The following CSMD1 variants were observed in gnomAD, a reference collection of about 807,000 sequenced individuals.
CSMD1 encodes CUB and Sushi multiple domains 1, also known as CUB and sushi domain-containing protein 1.
In CSMD1, 213 loss-of-function variants were observed where a neutral mutation model predicts 417.5. The observed-to-expected ratio is 0.51, with a 90% confidence interval of 0.46 to 0.57. The LOEUF (loss-of-function observed/expected upper bound fraction) is 0.57. Ranked by LOEUF, CSMD1 falls within the 20% of genes least tolerant of loss-of-function variation. CSMD1 has a pLI of 0.00. For synonymous variants in CSMD1, 2,862 were observed against 1,736.8 expected, an observed-to-expected ratio of 1.65 and a Z score of -16.11; for missense variants, 6,923 against 4,529.7, an observed-to-expected ratio of 1.53 and a Z score of -15.17.
intron 1 of CSMD1, among the ~76,000 whole-genome samples, chr8:4,774,029 C>G (rs1796726811): frequency 2.6e-5 from 4 of 152,012 alleles, no homozygotes; most frequent in South Asian, 2.1e-4. Context: ...AACCCCAACT[C>G]TACTAAAAAT....
intron 5 of CSMD1, among the ~76,000 whole-genome samples, chr8:3,804,791 G>C (rs1249345733): frequency 6.6e-6 from 1 of 152,118 alleles, no homozygotes; most frequent in South Asian, 2.1e-4. Context: ...AATATGTTTG[G>C]TAATCTAATT....
chr8:3,636,872 A>T (rs1479740527), intron 7 of CSMD1, among the ~76,000 whole-genome samples: 1 of 152,182 alleles, frequency 6.6e-6, no homozygotes, highest in Non-Finnish European at 1.5e-5. Context: ...TGAGATATAT[A>T]GATTTTGTTG....
chr8:4,082,404 C>A (rs1371348862), intron 3 of CSMD1, among the ~76,000 whole-genome samples: 2 of 152,078 alleles, frequency 1.3e-5, no homozygotes, highest in Non-Finnish European at 2.9e-5. Flanking sequence ...ACAACTACAA[C>A]AAAACCCAGT....
At chr8:4,835,981 T>A (rs1022565551) in intron 1 of CSMD1, among the ~76,000 whole-genome samples, 3 of 152,126 alleles carry the variant, frequency 2.0e-5, no homozygotes, top group African/African-American at 7.2e-5. Flanking sequence ...ACCTTCTAAA[T>A]GTAAAATATC....
Position 3,223,729 on chromosome 8 carries a change from C to T in CSMD1, c.4484G>A (p.Ser1495Asn). The T allele has an allele frequency of 6.2e-7, 1 of 1,613,682 alleles. No homozygotes were observed. The highest frequency in any genetic ancestry group is 8.5e-7 in the Non-Finnish European group (1 of 1,179,702). Residue 1495 changes from serine (S) to asparagine (N), a missense_variant and splice_region_variant, in exon 28 of 70, where the codon AGT becomes AAT. By Grantham distance (46) the Ser-to-Asn change is conservative. Coordinates refer to ENST00000635120, the MANE Select transcript of CSMD1 (RefSeq NM_033225.6). Reference sequence around the variant, plus strand: ...AGAGGTATTCTGCAAGAGACGGTACCTTTTGAATATCAAGGCGATGACAAA... The same window carrying T: ...AGAGGTATTCTGCAAGAGACGGTACTTTTTGAATATCAAGGCGATGACAAA... ...PDFVIALIFK[S>N]FNMEPSYDFL... is the part of the protein sequence containing the mutation.
intron 3 of CSMD1, among the ~76,000 whole-genome samples, chr8:4,253,571 A>G (rs1385336602): frequency 1.3e-5 from 2 of 152,200 alleles, no homozygotes; most frequent in South Asian, 4.1e-4. Context: ...TTGATCTGGT[A>G]TACTTCAAAG....
chr8:3,087,380 C>G, intron 48 of CSMD1, 95 bp from the exon 49 acceptor site: 4 of 1,293,332 alleles, frequency 3.1e-6, no homozygotes, highest in Non-Finnish European at 4.4e-6. Flanking sequence ...AATGGCTTCT[C>G]ATTTCCAAAA....
chr8:3,036,990 T>C (rs1810723683), intron 50 of CSMD1, among the ~76,000 whole-genome samples: 2 of 152,156 alleles, frequency 1.3e-5, no homozygotes, highest in African/African-American at 4.8e-5. Flanking sequence ...ATCATCCCCT[T>C]GAGTCCCCAG....
At chr8:4,108,159 GTT>G (rs1223745514) in intron 3 of CSMD1, among the ~76,000 whole-genome samples, 2 of 151,948 alleles carry the variant, frequency 1.3e-5, no homozygotes, top group Non-Finnish European at 2.9e-5. Context: ...AAGAGAGACA[GTT>G]TTATTTTTAT....
intron 62 of CSMD1, among the ~76,000 whole-genome samples, chr8:2,958,759 T>A (rs574416492): frequency 6.6e-6 from 1 of 152,360 alleles, no homozygotes; most frequent in South Asian, 2.1e-4. Flanking sequence ...GTGCACCAAG[T>A]TAGCATCCAA....
At chr8:3,600,356 A>C (rs374952329) in intron 8 of CSMD1, among the ~76,000 whole-genome samples, 1 of 152,210 alleles carries the variant, frequency 6.6e-6, no homozygotes, top group Non-Finnish European at 1.5e-5. Context: ...TTTAGATCCT[A>C]GTTAAATTGA....
intron 21 of CSMD1, among the ~76,000 whole-genome samples, chr8:3,351,722 CAAAT>C (rs1040585996): frequency 3.4e-5 from 5 of 147,184 alleles, no homozygotes; most frequent in African/African-American, 1.2e-4. Context: ...AAACAAAAAT[CAAAT>C]ATATATTTAA....
chr8:4,644,927 G>C (rs1174736528), intron 1 of CSMD1, among the ~76,000 whole-genome samples: 2 of 152,170 alleles, frequency 1.3e-5, no homozygotes, highest in East Asian at 3.9e-4. Context: ...GTGGGAGGTA[G>C]AGGTGGTCGG....
chr8:3,638,466 A>G (rs1797149673), intron 7 of CSMD1, among the ~76,000 whole-genome samples: 2 of 152,132 alleles, frequency 1.3e-5, no homozygotes, highest in Admixed American at 6.5e-5. Context: ...CTGCCTCTGA[A>G]ATTCTGAAAC....
At chr8:4,269,128 C>T (rs1468479997) in intron 3 of CSMD1, among the ~76,000 whole-genome samples, 1 of 152,148 alleles carries the variant, frequency 6.6e-6, no homozygotes, top group African/African-American at 2.4e-5. Flanking sequence ...GTGATCTTGG[C>T]TCACTGAAAT....
intron 3 of CSMD1, among the ~76,000 whole-genome samples, chr8:4,054,258 G>C (rs780233479): frequency 1.4e-5 from 2 of 144,348 alleles, no homozygotes; most frequent in Non-Finnish European, 3.0e-5. Flanking sequence ...GACTTTGAGA[G>C]TTAAGAGGTG....
At chr8:3,571,276 C>A (rs567174046) in intron 10 of CSMD1, among the ~76,000 whole-genome samples, 45 of 152,316 alleles carry the variant, frequency 3.0e-4, no homozygotes, top group African/African-American at 1.1e-3. Flanking sequence ...TCTAAATGTG[C>A]CTCTGCCCAT....
At chr8:3,911,563 C>A (rs534308908) in intron 5 of CSMD1, among the ~76,000 whole-genome samples, 1 of 151,240 alleles carries the variant, frequency 6.6e-6, no homozygotes, top group Admixed American at 6.6e-5. Flanking sequence ...AAGAAGAAAA[C>A]GAAGGCTATA....
chr8:2,950,964 G>T, intron 66 of CSMD1, 150 bp downstream of exon 66: 2 of 639,522 alleles, frequency 3.1e-6, no homozygotes, highest in Non-Finnish European at 4.8e-6. Context: ...AACCTCTCAC[G>T]GCTAGGGAGA....
Sources: allele counts gnomAD v4.1 joint callset (sites outside exome capture counted in the v4.1 genomes callset), GRCh38; gene constraint gnomAD v4.1.1; transcripts MANE v1.5; gene names NCBI Gene and HGNC (gene_info 2026-07-23, HGNC 2026-07-21).